Variants in QTMAN observed in about 807,000 individuals in gnomAD.
QTMAN encodes queuosine-tRNA mannosyltransferase.
chr2:144,139,574 A>G, the QTMAN span, among the ~76,000 whole-genome samples: 1 of 152,060 alleles, frequency 6.6e-6, no homozygotes, highest in Non-Finnish European at 1.5e-5. Flanking sequence ...GGCGTCTAAG[A>G]GCTTTCCCAT....
At chr2:144,055,963 T>C in the QTMAN span, among the ~76,000 whole-genome samples, 1 of 152,228 alleles carries the variant, frequency 6.6e-6, no homozygotes, top group African/African-American at 2.4e-5. Flanking sequence ...CTTACTAGTT[T>C]TGTGACCTTG....
chr2:144,025,515 C>T, the QTMAN span, among the ~76,000 whole-genome samples: 17 of 152,144 alleles, frequency 1.1e-4, no homozygotes, highest in South Asian at 2.9e-3. Context: ...CCTAGTGGTG[C>T]GGGGAGGGAG....
the QTMAN span, among the ~76,000 whole-genome samples, chr2:144,329,728 T>C: frequency 6.6e-6 from 1 of 152,218 alleles, no homozygotes; most frequent in African/African-American, 2.4e-5. Context: ...CCTCTTTCAA[T>C]ATTGGAATTC....
At chr2:143,992,556 A>AAAAAT in the QTMAN span, among the ~76,000 whole-genome samples, 6 of 151,970 alleles carry the variant, frequency 3.9e-5, no homozygotes, top group African/African-American at 1.4e-4. Context: ...ATAAATAAAT[A>AAAAAT]AAAATAAAAT....
chr2:144,118,350 A>G, the QTMAN span, among the ~76,000 whole-genome samples: 1 of 152,214 alleles, frequency 6.6e-6, no homozygotes, highest in Non-Finnish European at 1.5e-5. Flanking sequence ...AGTTCCCCTT[A>G]TGAGTTCCAC....
chr2:144,078,913 T>C, the QTMAN span, among the ~76,000 whole-genome samples: 2 of 152,106 alleles, frequency 1.3e-5, no homozygotes, highest in Admixed American at 1.3e-4. Flanking sequence ...ATTTTTCTTT[T>C]TTCTCGATAT....
At chr2:143,959,935 T>C in the QTMAN span, among the ~76,000 whole-genome samples, 1 of 152,106 alleles carries the variant, frequency 6.6e-6, no homozygotes, top group Non-Finnish European at 1.5e-5. Context: ...TTGTGGCTAA[T>C]GGTTGTGAAA....
the QTMAN span, among the ~76,000 whole-genome samples, chr2:144,274,416 T>C: frequency 6.6e-6 from 1 of 152,220 alleles, no homozygotes; most frequent in African/African-American, 2.4e-5. Flanking sequence ...GGATGGGGGC[T>C]GGTTGCCAGG....
At chr2:143,994,880 T>C in the QTMAN span, among the ~76,000 whole-genome samples, 1 of 152,212 alleles carries the variant, frequency 6.6e-6, no homozygotes, top group Non-Finnish European at 1.5e-5. Flanking sequence ...GGTAAATTTT[T>C]TGACATATAA....
At chr2:144,265,415 C>T in the QTMAN span, among the ~76,000 whole-genome samples, 2 of 152,080 alleles carry the variant, frequency 1.3e-5, no homozygotes, top group South Asian at 2.1e-4. Flanking sequence ...AGAATACCCT[C>T]GGTCAGGCGC....
At chr2:144,096,826 C>T in the QTMAN span, among the ~76,000 whole-genome samples, 1 of 152,204 alleles carries the variant, frequency 6.6e-6, no homozygotes, top group East Asian at 1.9e-4. Context: ...TGTAAACAAA[C>T]AGATTCCAAT....
the QTMAN span, among the ~76,000 whole-genome samples, chr2:144,093,070 T>C: frequency 6.6e-6 from 1 of 152,208 alleles, no homozygotes; most frequent in Non-Finnish European, 1.5e-5. Context: ...GACCGCATTT[T>C]TCTTTAACAC....
chr2:144,250,883 T>G, the QTMAN span, among the ~76,000 whole-genome samples: 1 of 152,138 alleles, frequency 6.6e-6, no homozygotes, highest in Non-Finnish European at 1.5e-5. Context: ...AGTAGTTATC[T>G]TTTCTTTCTT....
the QTMAN span, among the ~76,000 whole-genome samples, chr2:143,958,088 C>G: frequency 6.6e-6 from 1 of 152,016 alleles, no homozygotes; most frequent in Non-Finnish European, 1.5e-5. Context: ...AATTCCTACC[C>G]AAGGGCAAAG....
chr2:144,040,574 C>T, the QTMAN span, among the ~76,000 whole-genome samples: 4 of 151,920 alleles, frequency 2.6e-5, no homozygotes, highest in African/African-American at 9.7e-5. Flanking sequence ...AAGTTCATGG[C>T]CATGAAGATA....
the QTMAN span, chr2:144,230,134 T>G: frequency 6.6e-6 from 1 of 152,118 alleles, no homozygotes; most frequent in Non-Finnish European, 1.5e-5. Context: ...TGATATGAAG[T>G]CCGTTTTCTC....
At chr2:144,236,875 A>T in the QTMAN span, among the ~76,000 whole-genome samples, 2 of 152,092 alleles carry the variant, frequency 1.3e-5, no homozygotes, top group Non-Finnish European at 2.9e-5. Flanking sequence ...TCCTGAACTG[A>T]GATGCCACCA....
At chr2:144,320,278 T>C in the QTMAN span, among the ~76,000 whole-genome samples, 1 of 152,184 alleles carries the variant, frequency 6.6e-6, no homozygotes, top group Non-Finnish European at 1.5e-5. Flanking sequence ...AAATAGTTAC[T>C]GCCTGGTCCT....
the QTMAN span, among the ~76,000 whole-genome samples, chr2:144,194,812 T>G: frequency 6.6e-6 from 1 of 152,184 alleles, no homozygotes; most frequent in East Asian, 1.9e-4. Flanking sequence ...GAAATACTGA[T>G]TCAGATGGCA....
Sources: gnomAD v4.1 joint callset for allele counts (sites outside exome capture counted in the v4.1 genomes callset) on GRCh38, gnomAD v4.1.1 for gene constraint, MANE v1.5 for transcripts, NCBI Gene and HGNC (gene_info 2026-07-23, HGNC 2026-07-21) for gene names.